The following SPINK1 variants were observed in gnomAD, a reference collection of about 807,000 sequenced individuals.
SPINK1 encodes the protein serine protease inhibitor Kazal-type 1.
SPINK1 carries 5 observed loss-of-function variants against 9.5 expected under a neutral mutation model. The observed-to-expected ratio is 0.52, with a 90% CI of 0.27 to 1.10. The LOEUF (loss-of-function observed/expected upper bound fraction) is 1.10, where lower values mean the gene tolerates loss of function less well. Ranked by LOEUF, SPINK1 falls within the 50% of genes least tolerant of loss-of-function variation. The probability of loss-of-function intolerance (pLI) is 0.11; values close to 1 mark genes in which losing one functional copy is unlikely to be tolerated. For missense variants in SPINK1, 88 were observed against 92.7 expected (o/e 0.95, Z 0.21); for synonymous variants, 37 against 32.3 (o/e 1.14, Z -0.49).
intron 3 of SPINK1, among the ~76,000 whole-genome samples, chr5:147,826,127 C>T (rs1756399703): frequency 6.6e-6 from 1 of 152,050 alleles, no homozygotes; most frequent in African/African-American, 2.4e-5. Context: ...CCTTTGAAGA[C>T]GTAGAAGGAA....
chr5:147,829,567 T>C (rs1322524936), intron 2 of SPINK1, 32 bp downstream of exon 2: 2 of 1,607,534 alleles, frequency 1.2e-6, no homozygotes. Flanking sequence ...TGTTCCAGTC[T>C]GAGAAATAAG....
upstream of SPINK1, among the ~76,000 whole-genome samples, chr5:147,834,340 TG>T (rs1751163751): frequency 6.6e-6 from 1 of 152,186 alleles, no homozygotes; most frequent in Admixed American, 6.5e-5. Context: ...AGCCATTCAT[TG>T]GTTCACCATT....
upstream of SPINK1, among the ~76,000 whole-genome samples, chr5:147,833,861 C>T (rs1236036260): frequency 6.6e-6 from 1 of 152,132 alleles, no homozygotes; most frequent in Non-Finnish European, 1.5e-5. Context: ...CTTTATTCCC[C>T]AAGAGATTCT....
rs1212595661 is a variant in SPINK1, at chr5:147,827,586, T to G, written c.194+436A>C. 2.4e-5 allele frequency: 4 copies of G among 166,068 alleles called. No individual in the cohort carries two copies. The East Asian group carries it at 7.0e-4, about 29-fold the overall frequency. 10.3% of individuals were successfully genotyped at this position (166,068 alleles called of 1,614,324 possible). A position where few individuals can be genotyped will look rare whatever the true frequency, so the allele number is the denominator to read the frequency against. ...ATAGGAAATCTGTGTTGAATCTATTTCTCTGTATCACATCACCTACTTATG... is the reference window on the plus strand; with the variant it reads ...ATAGGAAATCTGTGTTGAATCTATTGCTCTGTATCACATCACCTACTTATG... On this transcript the variant is annotated intron_variant, in intron 3 of 3. Coordinates refer to ENST00000296695, the MANE Select transcript of SPINK1 (RefSeq NM_001379610.1).
intron 1 of SPINK1, among the ~76,000 whole-genome samples, chr5:147,830,322 G>A (rs1041099929): frequency 6.6e-6 from 1 of 152,142 alleles, no homozygotes; most frequent in Non-Finnish European, 1.5e-5. Flanking sequence ...CAGAGGTTTT[G>A]CTGACAACAT....
Position 147,827,854 on chromosome 5 carries a change from A to G in SPINK1, c.194+168T>C, listed in dbSNP as rs1374021229. 2.5e-5 allele frequency: 14 copies of G among 551,738 alleles called. No homozygotes were observed. The East Asian group carries it at 4.2e-4, about 17-fold the overall frequency. The allele number at this position is 551,738 out of a possible 1,614,324, so 34.2% of individuals were successfully genotyped here. On this transcript the variant is annotated intron_variant, in intron 3 of 3. Transcript: ENST00000296695. ...TTTTATCATACAAGTGACTTCTAAA[A>G]AATAATATTTAATGCTAAATATATA...
chr5:147,829,588 T>C lies in SPINK1; in HGVS notation c.87+11A>G. On this transcript the variant is annotated intron_variant, in intron 2 of 3. Coordinates refer to ENST00000296695, the MANE Select transcript of SPINK1 (RefSeq NM_001379610.1). ...AGTCTGAGAAATAAGAAATTACAAATATCTCTTTACCTCTCTTCCCAGGGA... is the reference window on the plus strand; with the variant it reads ...AGTCTGAGAAATAAGAAATTACAAACATCTCTTTACCTCTCTTCCCAGGGA... 2 of 1,611,672 alleles carry C rather than the reference T, an allele frequency of 1.2e-6. No homozygotes were observed. The highest frequency in any genetic ancestry group is 1.7e-6 in the Non-Finnish European group (2 of 1,178,300).
upstream of SPINK1, among the ~76,000 whole-genome samples, chr5:147,832,195 A>G (rs1756521014): frequency 2.0e-5 from 3 of 152,204 alleles, no homozygotes; most frequent in Admixed American, 1.3e-4. Context: ...TTCTGGAGCT[A>G]GAGGGTGCTT....
At chr5:147,827,669 T>C (rs549046633) in intron 3 of SPINK1, 37 of 176,822 alleles carry the variant, frequency 2.1e-4, no homozygotes, top group Non-Finnish European at 3.1e-4. Context: ...AGTAAAAATA[T>C]ATTTTTGGTT....
the SPINK1 span, among the ~76,000 whole-genome samples, chr5:147,837,523 T>C: frequency 6.6e-6 from 1 of 152,162 alleles, no homozygotes; most frequent in Non-Finnish European, 1.5e-5. Flanking sequence ...ATTGCTGCCA[T>C]ATGGTGGCTC....
chr5:147,833,083 C>T (rs1189539839), upstream of SPINK1, among the ~76,000 whole-genome samples: 1 of 151,960 alleles, frequency 6.6e-6, no homozygotes. Flanking sequence ...CAGGTGATAT[C>T]ACACAGAGAC....
the SPINK1 span, among the ~76,000 whole-genome samples, chr5:147,837,670 T>TTTC: frequency 7.1e-6 from 1 of 140,396 alleles, no homozygotes; most frequent in Non-Finnish European, 1.5e-5. Flanking sequence ...TCTTTCTTTC[T>TTTC]TTCTTTCTTT....
At chr5:147,837,669 CT>C in the SPINK1 span, among the ~76,000 whole-genome samples, 6 of 138,882 alleles carry the variant, frequency 4.3e-5, no homozygotes, top group South Asian at 2.5e-4. Context: ...TTCTTTCTTT[CT>C]TTCTTTCTTT....
In SPINK1 at chr5:147,824,697, C is replaced by G; in HGVS notation, c.204G>C (p.Gln68His). The change falls in exon 4 of 4, where the codon CAG becomes CAC. Residue 68 changes from glutamine (Q) to histidine (H), a missense_variant. Coordinates refer to ENST00000296695, the MANE Select transcript of SPINK1 (RefSeq NM_001379610.1). ...CAGATTTTTGAATGAGGATAGAAGTCTGGCGTTTCCTGCAGTAGAGATTAA... is the reference window on the plus strand; with the variant it reads ...CAGATTTTTGAATGAGGATAGAAGTGTGGCGTTTCCTGCAGTAGAGATTAA... ...CVLCFENRKRQTSILIQKSGP... is the reference protein window; with the variant it reads ...CVLCFENRKRHTSILIQKSGP... 6.2e-7 allele frequency: 1 copy of G among 1,613,946 alleles called. No homozygotes were observed.
chr5:147,830,598 G>C (rs1756491464), intron 1 of SPINK1, among the ~76,000 whole-genome samples: 1 of 152,128 alleles, frequency 6.6e-6, no homozygotes, highest in Non-Finnish European at 1.5e-5. Context: ...AAAAACTGAA[G>C]AGCAGGTGCT....
the SPINK1 span, among the ~76,000 whole-genome samples, chr5:147,837,856 G>A: frequency 6.6e-6 from 1 of 151,618 alleles, no homozygotes; most frequent in Non-Finnish European, 1.5e-5. Flanking sequence ...CAAGCACCGT[G>A]GCACCTGGCT....
chr5:147,828,202 GT>G, intron 2 of SPINK1, 74 bp from the exon 3 acceptor site: 1 of 1,135,388 alleles, frequency 8.8e-7, no homozygotes. Flanking sequence ...CTCTGAAATG[GT>G]TTTATTTCTC....
chr5:147,834,840 T>G (rs1756568688), upstream of SPINK1, among the ~76,000 whole-genome samples: 1 of 152,146 alleles, frequency 6.6e-6, no homozygotes, highest in Non-Finnish European at 1.5e-5. Flanking sequence ...GCCTAGCATA[T>G]GCATTATATG....
chr5:147,825,097 T>C (rs1756376749), intron 3 of SPINK1, among the ~76,000 whole-genome samples: 2 of 152,228 alleles, frequency 1.3e-5, no homozygotes, highest in African/African-American at 2.4e-5. Context: ...TTCTAATTGA[T>C]TGACCTTTCA....
Sources: gnomAD v4.1 joint callset for allele counts (sites outside exome capture counted in the v4.1 genomes callset) on GRCh38, gnomAD v4.1.1 for gene constraint, MANE v1.5 for transcripts, NCBI Gene and HGNC (gene_info 2026-07-23, HGNC 2026-07-21) for gene names.